The following EYA1 variants were observed in gnomAD, a reference collection of about 807,000 sequenced individuals.
The protein encoded by EYA1 is EYA transcriptional coactivator and phosphatase 1, also known as protein phosphatase EYA1.
Under a neutral mutation model 82.0 loss-of-function variants are expected in EYA1, and 16 were observed. The ratio of observed to expected loss-of-function variants is 0.20; its 90% CI spans 0.13 to 0.30. The LOEUF (loss-of-function observed/expected upper bound fraction) is 0.30, where lower values mean the gene tolerates loss of function less well. Ranked by LOEUF, EYA1 falls within the 10% of genes least tolerant of loss-of-function variation. The pLI, the probability that EYA1 is intolerant of heterozygous loss-of-function variation, is 1.00. For missense variants in EYA1, 633 were observed against 730.7 expected, an observed-to-expected ratio of 0.87 and a Z score of 1.54; for synonymous variants, 261 against 264.4, an observed-to-expected ratio of 0.99 and a Z score of 0.12.
At chr8:71,332,275 C>T (rs1394253333) in intron 4 of EYA1, among the ~76,000 whole-genome samples, 3 of 152,128 alleles carry the variant, frequency 2.0e-5, no homozygotes, top group African/African-American at 4.8e-5. Context: ...TCCCTGTATA[C>T]CTTCAAATTT....
intron 9 of EYA1, among the ~76,000 whole-genome samples, chr8:71,294,074 G>A (rs1227403884): frequency 6.6e-6 from 1 of 151,004 alleles, no homozygotes; most frequent in Admixed American, 6.6e-5. Flanking sequence ...AACAACTCTT[G>A]AAACCAATGA....
chr8:71,303,594 G>A (rs953081290), intron 7 of EYA1, among the ~76,000 whole-genome samples: 1 of 140,614 alleles, frequency 7.1e-6, no homozygotes, highest in Non-Finnish European at 1.6e-5. Context: ...AATCAAGTTC[G>A]CAGGGCCGCT....
intron 2 of EYA1, among the ~76,000 whole-genome samples, chr8:71,515,778 T>A (rs779138825): frequency 6.6e-6 from 1 of 152,174 alleles, no homozygotes; most frequent in Non-Finnish European, 1.5e-5. Flanking sequence ...ATCAAAACTA[T>A]AACTGTATAT....
chr8:71,231,501 C>G (rs1309147351), intron 12 of EYA1, among the ~76,000 whole-genome samples: 1 of 152,230 alleles, frequency 6.6e-6, no homozygotes, highest in Non-Finnish European at 1.5e-5. Flanking sequence ...AACACTCTGC[C>G]TTGCCACCTC....
intron 2 of EYA1, among the ~76,000 whole-genome samples, chr8:71,513,734 C>G (rs1026881105): frequency 6.6e-6 from 1 of 152,034 alleles, no homozygotes; most frequent in African/African-American, 2.4e-5. Context: ...CCCCTTAACC[C>G]TCCCACCTCC....
At chr8:71,365,618 G>T (rs904724676), upstream of EYA1, among the ~76,000 whole-genome samples, 2 of 152,094 alleles carry the variant, frequency 1.3e-5, no homozygotes, top group African/African-American at 4.8e-5. Context: ...AGTCTTCCTG[G>T]TTTCACATAA....
chr8:71,533,922 A>C (rs1459605759), intron 2 of EYA1, among the ~76,000 whole-genome samples: 1 of 152,258 alleles, frequency 6.6e-6, no homozygotes, highest in Non-Finnish European at 1.5e-5. Context: ...TAATAAAAAC[A>C]GGACAAAATG....
At chr8:71,385,758 A>G (rs530116247) in intron 2 of EYA1, among the ~76,000 whole-genome samples, 1 of 152,366 alleles carries the variant, frequency 6.6e-6, no homozygotes, top group African/African-American at 2.4e-5. Context: ...AAATCCTTCT[A>G]AGTAAATATA....
At chr8:71,206,193 G>T in intron 17 of EYA1, among the ~76,000 whole-genome samples, 1 of 151,788 alleles carries the variant, frequency 6.6e-6, no homozygotes, top group South Asian at 2.1e-4. Flanking sequence ...TCATATTTAA[G>T]ATATATAAAT....
intron 9 of EYA1, among the ~76,000 whole-genome samples, chr8:71,283,548 A>G (rs1818058054): frequency 6.6e-6 from 1 of 151,652 alleles, no homozygotes; most frequent in Non-Finnish European, 1.5e-5. Flanking sequence ...TTTTTCCACA[A>G]CCTGGCATGT....
intron 3 of EYA1, among the ~76,000 whole-genome samples, chr8:71,338,331 GAA>G (rs1824734520): frequency 1.3e-5 from 2 of 152,346 alleles, no homozygotes; most frequent in South Asian, 4.1e-4. Flanking sequence ...ATTTTCTGAA[GAA>G]ACAGGCTAAT....
chr8:71,216,885 C>G, intron 13 of EYA1, 33 bp from the exon 14 acceptor site: 1 of 1,613,638 alleles, frequency 6.2e-7, no homozygotes. Context: ...CAAAGTTAGC[C>G]GAACAGAAAG....
chr8:71,204,415 G>C (rs948234557), intron 17 of EYA1, among the ~76,000 whole-genome samples: 1 of 152,194 alleles, frequency 6.6e-6, no homozygotes, highest in African/African-American at 2.4e-5. Context: ...AGTTTTTAAA[G>C]CATATACCCT....
Position 71,197,452 on chromosome 8 carries a change from A to C in EYA1, c.*1888T>G, listed in dbSNP as rs1469266063. 1 of 152,454 alleles carries C rather than the reference A, an allele frequency of 6.6e-6. No homozygotes were observed. Among genetic ancestry groups the C allele is most frequent in the Non-Finnish European group, 1.5e-5 (1 of 68,050 alleles). The allele number at this position is 152,454 out of a possible 1,614,324, so 9.4% of individuals were successfully genotyped here. ...GGGAGCTTACAGTACATCACAAATAAATTTTATTAACTTAAACACAAAATT... is the reference window on the plus strand; with the variant it reads ...GGGAGCTTACAGTACATCACAAATACATTTTATTAACTTAAACACAAAATT... On this transcript the variant is annotated 3_prime_UTR_variant, in exon 18 of 18. Coordinates refer to ENST00000340726, the MANE Select transcript of EYA1 (RefSeq NM_000503.6).
chr8:71,396,526 T>C (rs1259046085), intron 2 of EYA1, among the ~76,000 whole-genome samples: 1 of 152,256 alleles, frequency 6.6e-6, no homozygotes, highest in Non-Finnish European at 1.5e-5. Context: ...AACATCTTTA[T>C]TTCTGCCTTC....
At chr8:71,294,872 T>C (rs1005263580) in intron 9 of EYA1, among the ~76,000 whole-genome samples, 1 of 152,172 alleles carries the variant, frequency 6.6e-6, no homozygotes, top group Non-Finnish European at 1.5e-5. Flanking sequence ...GACAGAGTGG[T>C]ATTGGTGAAA....
chr8:71,483,839 T>G (rs960718411), intron 2 of EYA1, among the ~76,000 whole-genome samples: 5 of 152,092 alleles, frequency 3.3e-5, no homozygotes, highest in African/African-American at 9.7e-5. Flanking sequence ...GCTGAGGAAA[T>G]GAGTTTGACT....
intron 7 of EYA1, among the ~76,000 whole-genome samples, chr8:71,307,306 G>GT (rs1554544824): frequency 5.9e-5 from 9 of 152,012 alleles, no homozygotes; most frequent in South Asian, 4.2e-4. Flanking sequence ...ACTTTGCTGG[G>GT]ATTTTTTTAT....
chr8:71,488,326 T>C (rs2129221487), intron 2 of EYA1, among the ~76,000 whole-genome samples: 1 of 152,042 alleles, frequency 6.6e-6, no homozygotes, highest in East Asian at 1.9e-4. Context: ...ATATAATATA[T>C]ATCAATGATA....
Sources: gnomAD v4.1 joint callset for allele counts (sites outside exome capture counted in the v4.1 genomes callset) on GRCh38, gnomAD v4.1.1 for gene constraint, MANE v1.5 for transcripts, NCBI Gene and HGNC (gene_info 2026-07-23, HGNC 2026-07-21) for gene names.